The following MIA3 variants were observed in gnomAD, a reference collection of about 807,000 sequenced individuals.
MIA3 encodes transport and Golgi organization protein 1 homolog.
Under a neutral mutation model 192.4 loss-of-function variants are expected in MIA3, and 90 were observed. The observed-to-expected ratio is 0.47, with a 90% CI of 0.39 to 0.56. The LOEUF (loss-of-function observed/expected upper bound fraction) is 0.56, where lower values mean the gene tolerates loss of function less well. Ranked by LOEUF, MIA3 falls within the 20% of genes least tolerant of loss-of-function variation. The pLI is 0.00. For missense variants in MIA3, 2,123 were observed against 2,269.4 expected, an observed-to-expected ratio of 0.94 and a Z score of 1.31; for synonymous variants, 740 against 792.8, an observed-to-expected ratio of 0.93 and a Z score of 1.12.
rs751823621 is a variant in MIA3, at chr1:222,629,442, G to T, written c.2222G>T (p.Arg741Leu). 1.2e-6 allele frequency: 2 copies of T among 1,614,066 alleles called. No individual in the cohort carries two copies. The highest frequency in any genetic ancestry group is 1.7e-5 in the Admixed American group (1 of 60,012). ...GATGAAAACGCTATAAATGCAAAAC[G>T]GTCTAAAGAAAAAAACCCTGGGAAT... The part of the protein sequence containing the change: ...LEDENAINAK[R>L]SKEKNPGNQG... The change falls in exon 4 of 28, where the codon CGG becomes CTG. Residue 741 changes from arginine to leucine, a missense_variant. Around this residue, in one of 3 missense-constraint regions of MIA3, gnomAD observed 1,357 missense variants for 1,396.1 expected, o/e 0.97. Transcript: ENST00000344922.
intron 6 of MIA3, among the ~76,000 whole-genome samples, chr1:222,635,319 C>T (rs1180411856): frequency 1.3e-5 from 2 of 152,248 alleles, no homozygotes; most frequent in South Asian, 2.1e-4. Context: ...CGCACAGAGC[C>T]CTCTTCTAGG....
intron 19 of MIA3, 51 bp from the exon 20 acceptor site, chr1:222,659,401 TG>T: frequency 6.6e-7 from 1 of 1,516,600 alleles, no homozygotes; most frequent in Non-Finnish European, 9.2e-7. Context: ...TCAGATTGTT[TG>T]GGTTTTTATT....
rs1227536122 is a variant in MIA3 at position 222,654,418 on chromosome 1, G to T, written c.4407G>T (p.Glu1469Asp). 3 of 1,613,818 alleles carry T rather than the reference G, an allele frequency of 1.9e-6. No individual in the cohort carries two copies. The highest frequency in any genetic ancestry group is 2.7e-5 in the African/African-American group (2 of 75,014). ...AGACTGCAATATCGGTAGTTGAAGA[G>T]GATCTAAAGCTTTTACAGCTTAAGC... ...RTQTAISVVEEDLKLLQLKLR... is the reference protein window; with the variant it reads ...RTQTAISVVEDDLKLLQLKLR... Residue 1469 changes from glutamate to aspartate, a missense_variant, in exon 17 of 28, where the codon GAG (glutamate) becomes GAT (aspartate). Physicochemically the swap from Glu to Asp is conservative, Grantham distance 45. Around this residue, in one of 3 missense-constraint regions of MIA3, gnomAD observed 762 missense variants for 856.4 expected, o/e 0.89. Coordinates refer to ENST00000344922, the MANE Select transcript of MIA3 (RefSeq NM_198551.4).
At chr1:222,621,404 C>T in intron 2 of MIA3, 112 bp downstream of exon 2, 1 of 1,048,610 alleles carries the variant, frequency 9.5e-7, no homozygotes, top group Non-Finnish European at 1.4e-6. Context: ...AACTTGTCCT[C>T]TCTGCCTGAC....
chr1:222,636,553 C>T (rs900454450), intron 6 of MIA3, among the ~76,000 whole-genome samples: 3 of 144,902 alleles, frequency 2.1e-5, no homozygotes, highest in Non-Finnish European at 4.5e-5. Context: ...TGCTCTGTTG[C>T]CCAGGCTAGA....
chr1:222,645,219 A>G (rs1220358995), intron 6 of MIA3, among the ~76,000 whole-genome samples: 1 of 152,226 alleles, frequency 6.6e-6, no homozygotes, highest in African/African-American at 2.4e-5. Context: ...TTTAAGCAAT[A>G]AAAACCAATT....
chr1:222,651,860 G>A, intron 11 of MIA3, 117 bp from the exon 12 acceptor site: 2 of 704,920 alleles, frequency 2.8e-6, no homozygotes, highest in Non-Finnish European at 5.1e-6. Context: ...GCTTTTACCT[G>A]AAACATAGGG....
rs1275298863 is a variant in MIA3 at position 222,628,983 on chromosome 1, C to T, written c.1763C>T (p.Pro588Leu). The T allele has an allele frequency of 1.2e-6, 2 of 1,614,172 alleles. No homozygotes were observed. Among genetic ancestry groups the T allele is most frequent in the Non-Finnish European group, 1.7e-6 (2 of 1,180,022 alleles). Reference protein sequence around the residue: ...GSAPLMGDDHPNASRDSVEGD... With the variant: ...GSAPLMGDDHLNASRDSVEGD... ...GCACCACTCATGGGAGATGACCACC[C>T]TAACGCATCCAGAGACAGTGTGGAG... Residue 588 changes from proline to leucine, a missense_variant, in exon 4 of 28, where the codon CCT (proline) becomes CTT (leucine). Transcript: ENST00000344922.
At chr1:222,643,961 G>A (rs1662987902) in intron 6 of MIA3, among the ~76,000 whole-genome samples, 1 of 152,160 alleles carries the variant, frequency 6.6e-6, no homozygotes, top group Non-Finnish European at 1.5e-5. Context: ...GAAAGGCCGC[G>A]CACTGCAGTG....
chr1:222,661,917 G>C, intron 24 of MIA3, 139 bp from the exon 25 acceptor site: 1 of 641,380 alleles, frequency 1.6e-6, no homozygotes, highest in Non-Finnish European at 2.7e-6. Flanking sequence ...TGCATAAATT[G>C]TAAGTGATTT....
chr1:222,620,258 T>G (rs1339186348), intron 1 of MIA3, among the ~76,000 whole-genome samples: 2 of 152,218 alleles, frequency 1.3e-5, no homozygotes, highest in Non-Finnish European at 2.9e-5. Context: ...GATGTATTTA[T>G]TGTCCATTTC....
At chr1:222,633,339 T>G (rs779359427) in intron 6 of MIA3, 90 bp downstream of exon 6, 7 of 1,113,804 alleles carry the variant, frequency 6.3e-6, no homozygotes, top group Non-Finnish European at 7.7e-6. Flanking sequence ...ACTTAAAATG[T>G]CTTTATGAAC....
At chr1:222,656,339 A>G (rs375633524) in intron 18 of MIA3, among the ~76,000 whole-genome samples, 11 of 152,196 alleles carry the variant, frequency 7.2e-5, no homozygotes, top group Middle Eastern at 6.8e-3. Context: ...GTTTGACTCC[A>G]TTTTAAAAGG....
chr1:222,665,416 C>G lies in MIA3; in HGVS notation c.5521C>G (p.Pro1841Ala). ...HPRGFLPGHA[P>A]FRPLGSLGPR... ...TCGGGGATTTTTACCTGGACACGCA[C>G]CATTTAGACCTTTAGGTTCACTTGG... is the stretch of plus-strand genomic sequence containing the variant. Residue 1841 changes from proline to alanine, a missense_variant, in exon 28 of 28, where the codon CCA becomes GCA. Pro to Ala is a conservative substitution (Grantham distance 27). This residue lies in a region of MIA3 where 762 missense variants were observed against 856.4 expected (regional missense o/e 0.89). Transcript: ENST00000344922. 1 of 1,613,990 alleles carries G rather than the reference C, an allele frequency of 6.2e-7. No individual in the cohort carries two copies. Among genetic ancestry groups the G allele is most frequent in the Non-Finnish European group, 8.5e-7 (1 of 1,179,976 alleles).
At chr1:222,636,952 G>T (rs745336764) in intron 6 of MIA3, among the ~76,000 whole-genome samples, 1 of 152,164 alleles carries the variant, frequency 6.6e-6, no homozygotes, top group Non-Finnish European at 1.5e-5. Context: ...AGAAAGTACC[G>T]CCAGGTAGAA....
At chr1:222,650,474 T>C (rs1663371938) in intron 9 of MIA3, 94 bp downstream of exon 9, 1 of 818,708 alleles carries the variant, frequency 1.2e-6, no homozygotes, top group South Asian at 1.7e-5. Flanking sequence ...TATTTTTAAA[T>C]AGTATTTATT....
Position 222,630,399 on chromosome 1 carries a change from C to A in MIA3, c.3169+10C>A. ...GGTGGAGCAATGGAAGGTGAGATGC[C>A]TATGGCCTTGTAGAACAGGGCTGGA... On this transcript the variant is annotated intron_variant, in intron 4 of 27. Coordinates refer to ENST00000344922, the MANE Select transcript of MIA3 (RefSeq NM_198551.4). 1 of 1,583,430 alleles carries A rather than the reference C, an allele frequency of 6.3e-7. No individual in the cohort carries two copies. Among genetic ancestry groups the A allele is most frequent in the Non-Finnish European group, 8.6e-7 (1 of 1,166,356 alleles).
chr1:222,653,235 C>A lies in MIA3; in HGVS notation c.4217C>A (p.Thr1406Asn). The A allele has an allele frequency of 5.0e-6, 8 of 1,609,652 alleles. No homozygotes were observed. The highest frequency in any genetic ancestry group is 5.1e-6 in the Non-Finnish European group (6 of 1,176,466). The change falls in exon 15 of 28, where the codon ACT becomes AAT. Residue 1406 changes from threonine to asparagine, a missense_variant. Thr to Asn is a moderately conservative substitution (Grantham distance 65). Coordinates refer to ENST00000344922, the MANE Select transcript of MIA3 (RefSeq NM_198551.4). ...THKDDNINALTNCITQLNLLE... is the reference protein window; with the variant it reads ...THKDDNINALNNCITQLNLLE... ...CTTTTACTTCTTTTCTAGGCTTTGACTAACTGCATTACACAGTTGAATCTG... is the reference window on the plus strand; with the variant it reads ...CTTTTACTTCTTTTCTAGGCTTTGAATAACTGCATTACACAGTTGAATCTG...
rs1662256081 is a variant in MIA3 at position 222,628,926 on chromosome 1, A to G, written c.1706A>G (p.Asp569Gly). ...AQKAAGNQMN[D>G]RKIQQESLGS... is the part of the protein sequence containing the mutation. ...AAAGCTGCAGGGAATCAAATGAATG[A>G]CAGAAAGATTCAACAGGAATCCCTG... is the stretch of plus-strand genomic sequence containing the variant. Residue 569 changes from aspartate to glycine, a missense_variant, in exon 4 of 28, where the codon GAC becomes GGC. Physicochemically the swap from Asp to Gly is moderately conservative, Grantham distance 94. Transcript: ENST00000344922. 2 of 1,614,210 alleles carry G rather than the reference A, an allele frequency of 1.2e-6. No individual in the cohort carries two copies. The highest frequency in any genetic ancestry group is 2.7e-5 in the African/African-American group (2 of 75,056).
Sources: allele counts gnomAD v4.1 joint callset (sites outside exome capture counted in the v4.1 genomes callset), GRCh38; gene constraint gnomAD v4.1.1; regional missense constraint gnomAD v4.1.1; transcripts MANE v1.5; gene names NCBI Gene and HGNC (gene_info 2026-07-23, HGNC 2026-07-21).